The following CAST variants were observed in gnomAD, a reference collection of about 807,000 sequenced individuals.
CAST encodes the protein calpastatin.
In CAST, 76 loss-of-function variants were observed where a neutral mutation model predicts 119.6. That is an observed-to-expected ratio of 0.64 (90% confidence interval 0.53 to 0.77). The LOEUF (loss-of-function observed/expected upper bound fraction) is 0.77. Among genes scored for constraint, CAST ranks in the 30% least tolerant of loss-of-function variants. The pLI is 0.00. For synonymous variants in CAST, 319 were observed against 331.6 expected (o/e 0.96, Z 0.41); for missense variants, 953 against 946.5 (o/e 1.01, Z -0.09).
At chr5:96,195,271 T>C in the CAST span, among the ~76,000 whole-genome samples, 3 of 152,318 alleles carry the variant, frequency 2.0e-5, no homozygotes, top group Admixed American at 6.5e-5. Flanking sequence ...TGGAGTGAGT[T>C]GGAGGTTGGA....
chr5:96,360,147 C>T, the CAST span, among the ~76,000 whole-genome samples: 2 of 151,928 alleles, frequency 1.3e-5, no homozygotes, highest in Non-Finnish European at 2.9e-5. Flanking sequence ...GTTATGTATG[C>T]TTCACAGAGT....
At chr5:95,994,439 G>T in the CAST span, among the ~76,000 whole-genome samples, 23 of 152,172 alleles carry the variant, frequency 1.5e-4, no homozygotes, top group African/African-American at 5.5e-4. Context: ...TCTGGAAAAG[G>T]TAAAACTATA....
At chr5:96,372,685 G>A in the CAST span, among the ~76,000 whole-genome samples, 1,732 of 152,198 alleles carry the variant, frequency 0.011, 33 homozygotes, top group African/African-American at 0.04. Flanking sequence ...TTTCTGGGGG[G>A]CCCCACACAC....
the CAST span, among the ~76,000 whole-genome samples, chr5:96,434,788 A>G: frequency 6.6e-6 from 1 of 152,234 alleles, no homozygotes; most frequent in Non-Finnish European, 1.5e-5. Context: ...GTGGAGGATC[A>G]GGCTCTGTAG....
chr5:96,355,877 T>A, the CAST span, among the ~76,000 whole-genome samples: 5 of 152,164 alleles, frequency 3.3e-5, no homozygotes, highest in Admixed American at 2.6e-4. Flanking sequence ...AATTTTTGTA[T>A]TTTTAGTATA....
chr5:95,992,523 A>G, the CAST span, among the ~76,000 whole-genome samples: 195 of 152,258 alleles, frequency 1.3e-3, no homozygotes, highest in Non-Finnish European at 2.4e-3. Context: ...CAAGATTGTT[A>G]AGGTCATGCA....
At chr5:96,334,014 A>G in the CAST span, among the ~76,000 whole-genome samples, 2 of 152,030 alleles carry the variant, frequency 1.3e-5, no homozygotes, top group African/African-American at 4.8e-5. Context: ...TCACTTCAAC[A>G]CCCATTTCAT....
the CAST span, among the ~76,000 whole-genome samples, chr5:96,237,419 T>C: frequency 1.3e-5 from 2 of 152,200 alleles, no homozygotes; most frequent in African/African-American, 4.8e-5. Flanking sequence ...TTGTCTGATA[T>C]GGGAATTAGG....
At chr5:96,660,407 G>A, upstream of CAST, among the ~76,000 whole-genome samples, 1 of 152,192 alleles carries the variant, frequency 6.6e-6, no homozygotes, top group Admixed American at 6.5e-5. Flanking sequence ...AGTCCCTGGA[G>A]GACAGGCAAT....
chr5:96,261,888 C>T, the CAST span, among the ~76,000 whole-genome samples: 1 of 152,322 alleles, frequency 6.6e-6, no homozygotes, highest in South Asian at 2.1e-4. Flanking sequence ...TTGTTATGCA[C>T]CTTCCAATTT....
chr5:96,757,435 C>A lies in CAST; in HGVS notation c.1711-9C>A. The A allele has an allele frequency of 6.2e-7, 1 of 1,613,394 alleles. No homozygotes were observed. Among genetic ancestry groups the A allele is most frequent in the Non-Finnish European group, 8.5e-7 (1 of 1,179,348 alleles). On this transcript the variant is annotated splice_polypyrimidine_tract_variant and intron_variant, in intron 22 of 31. Transcript: ENST00000675179. The stretch of plus-strand genomic sequence containing the variant: ...TGATTTCATGCCATGTGTTTTCCCC[C>A]CCGGATAGGATAAAGATGGAAAGCC...
In CAST at chr5:96,673,228, G is replaced by A. The variant is rs555629918; in HGVS notation, c.76-2311G>A. On this transcript the variant is annotated intron_variant, in intron 1 of 31. Coordinates refer to ENST00000675179, the MANE Select transcript of CAST (RefSeq NM_001750.7). Reference sequence around the variant, plus strand: ...TCATGGTTCTAAAATTACCAGTTCTGGAAGGAGACAGATTTGGTCATCTCT... The same window carrying A: ...TCATGGTTCTAAAATTACCAGTTCTAGAAGGAGACAGATTTGGTCATCTCT... 2.6e-5 allele frequency among the ~76,000 whole-genome samples: 4 copies of A among 152,184 alleles called. No homozygotes were observed. The South Asian group carries it at 8.3e-4, about 31-fold the overall frequency.
intron 1 of CAST, among the ~76,000 whole-genome samples, chr5:96,543,144 C>T (rs1745943772): frequency 6.6e-6 from 1 of 152,108 alleles, no homozygotes; most frequent in South Asian, 2.1e-4. Context: ...AAATGCCCAT[C>T]AATGATAGAC....
the CAST span, among the ~76,000 whole-genome samples, chr5:96,172,262 T>G: frequency 6.6e-6 from 1 of 152,172 alleles, no homozygotes; most frequent in African/African-American, 2.4e-5. Flanking sequence ...AGGCAGGGAC[T>G]GGCCATTTTC....
At chr5:96,072,247 G>A in the CAST span, among the ~76,000 whole-genome samples, 1 of 152,022 alleles carries the variant, frequency 6.6e-6, no homozygotes. Flanking sequence ...TGGTTGTGGA[G>A]TCCTTATACT....
chr5:96,582,369 C>A (rs929895199), intron 1 of CAST, among the ~76,000 whole-genome samples: 1 of 152,194 alleles, frequency 6.6e-6, no homozygotes, highest in African/African-American at 2.4e-5. Flanking sequence ...TTATTGGTTT[C>A]TTTATCTCTA....
chr5:96,501,601 T>C, the CAST span, among the ~76,000 whole-genome samples: 1 of 152,246 alleles, frequency 6.6e-6, no homozygotes, highest in Admixed American at 6.5e-5. Context: ...TTTGTTTCTA[T>C]ATACACCAAA....
the CAST span, among the ~76,000 whole-genome samples, chr5:96,161,345 T>C: frequency 6.6e-6 from 1 of 152,294 alleles, no homozygotes; most frequent in African/African-American, 2.4e-5. Context: ...TGTTGAGTTG[T>C]AAAAGTTCTT....
chr5:96,060,395 T>G, the CAST span, among the ~76,000 whole-genome samples: 9 of 152,254 alleles, frequency 5.9e-5, no homozygotes, highest in East Asian at 5.8e-4. Flanking sequence ...AAATAAATCC[T>G]ATGAAGATTC....
Sources: gnomAD v4.1 joint callset for allele counts (sites outside exome capture counted in the v4.1 genomes callset) on GRCh38, gnomAD v4.1.1 for gene constraint, MANE v1.5 for transcripts, NCBI Gene and HGNC (gene_info 2026-07-23, HGNC 2026-07-21) for gene names.